SPAST: variants seen among roughly 807,000 people sequenced by gnomAD.
SPAST encodes the protein spastin.
Under a neutral mutation model 76.6 loss-of-function variants are expected in SPAST, and 30 were observed. The ratio of observed to expected loss-of-function variants is 0.39; its 90% CI spans 0.29 to 0.53. The LOEUF is 0.53. SPAST is among the 20% of genes least tolerant of loss of function. The pLI, the probability that SPAST is intolerant of heterozygous loss-of-function variation, is 0.68. For missense variants in SPAST, 717 were observed against 770.5 expected (o/e 0.93, Z 0.82); for synonymous variants, 305 against 281.0 (o/e 1.09, Z -0.86).
chr2:32,064,353 C>T (rs1417853151), intron 1 of SPAST, 107 bp downstream of exon 1: 48 of 1,071,124 alleles, frequency 4.5e-5, no homozygotes, highest in Non-Finnish European at 5.6e-5. Flanking sequence ...GGACGGTGCA[C>T]CCCCGGAATT....
At chr2:32,120,962 C>T (rs1482833965) in intron 7 of SPAST, among the ~76,000 whole-genome samples, 3 of 152,134 alleles carry the variant, frequency 2.0e-5, no homozygotes, top group African/African-American at 7.2e-5. Flanking sequence ...TATCTATTGT[C>T]TTCTAGCTTC....
At chr2:32,068,765 G>A (rs1433943610) in intron 1 of SPAST, among the ~76,000 whole-genome samples, 1 of 151,954 alleles carries the variant, frequency 6.6e-6, no homozygotes, top group Non-Finnish European at 1.5e-5. Context: ...GTGGTGGCGG[G>A]TGTGTGTAAT....
chr2:32,144,492 C>T (rs1432817773), intron 14 of SPAST, among the ~76,000 whole-genome samples: 2 of 152,184 alleles, frequency 1.3e-5, no homozygotes, highest in African/African-American at 4.8e-5. Context: ...CCTTTCTATT[C>T]CCTTAAAATC....
intron 12 of SPAST, among the ~76,000 whole-genome samples, chr2:32,141,649 TTTTG>T (rs1167839629): frequency 1.3e-5 from 2 of 152,272 alleles, no homozygotes; most frequent in African/African-American, 2.4e-5. Context: ...ATATCAGATA[TTTTG>T]TTTGTTTTAA....
Position 32,144,970 on chromosome 2 carries a change from A to T in SPAST, c.1650A>T (p.Thr550=). ...MTDGYSGSDL[T]ALAKDAALGP... ...ATGGATACTCAGGAAGTGACCTAACAGCTTTGGCAAAAGATGCAGCACTGG... is the reference window on the plus strand; with the variant it reads ...ATGGATACTCAGGAAGTGACCTAACTGCTTTGGCAAAAGATGCAGCACTGG... Residue 550 remains threonine, a synonymous_variant, in exon 15 of 17, where the codon ACA becomes ACT. Transcript: ENST00000315285. 6.2e-7 allele frequency: 1 copy of T among 1,613,226 alleles called. No homozygotes were observed. Among genetic ancestry groups the T allele is most frequent in the Non-Finnish European group, 8.5e-7 (1 of 1,179,496 alleles).
chr2:32,128,246 C>G, intron 8 of SPAST, 162 bp from the exon 9 acceptor site: 1 of 593,826 alleles, frequency 1.7e-6, no homozygotes, highest in Non-Finnish European at 3.0e-6. Context: ...GCGCCTGCCT[C>G]GGCCTCCGAA....
chr2:32,104,274 A>C (rs1200917785), intron 4 of SPAST, among the ~76,000 whole-genome samples: 3 of 151,456 alleles, frequency 2.0e-5, no homozygotes, highest in Non-Finnish European at 4.4e-5. Flanking sequence ...TGGATTGCAA[A>C]CCCTGCTTTT....
chr2:32,080,724 A>AT (rs1677185715), intron 1 of SPAST, among the ~76,000 whole-genome samples: 1 of 149,008 alleles, frequency 6.7e-6, no homozygotes, highest in Non-Finnish European at 1.5e-5. Flanking sequence ...CAACCCCTAC[A>AT]TTAAGGGATT....
chr2:32,143,497 C>A, intron 14 of SPAST, 82 bp downstream of exon 14: 1 of 863,642 alleles, frequency 1.2e-6, no homozygotes, highest in Non-Finnish European at 1.9e-6. Context: ...TTAAAGTAAT[C>A]TTAAGTATGA....
chr2:32,135,776 G>T (rs1449256778), intron 9 of SPAST, among the ~76,000 whole-genome samples: 1 of 152,084 alleles, frequency 6.6e-6, no homozygotes, highest in Non-Finnish European at 1.5e-5. Flanking sequence ...AACTAAGTTA[G>T]TTGACTATTT....
At chr2:32,102,058 C>T (rs1414988292) in intron 4 of SPAST, among the ~76,000 whole-genome samples, 4 of 152,066 alleles carry the variant, frequency 2.6e-5, no homozygotes, top group Non-Finnish European at 4.4e-5. Flanking sequence ...CTATAAATTA[C>T]CTTGGGCAGT....
chr2:32,121,534 A>AC (rs1679019948), intron 7 of SPAST, among the ~76,000 whole-genome samples: 1 of 84,868 alleles, frequency 1.2e-5, no homozygotes, highest in African/African-American at 4.5e-5. Flanking sequence ...CATCTTTCTC[A>AC]CTTTTTTTTT....
At chr2:32,083,989 G>A (rs1677369976) in intron 1 of SPAST, among the ~76,000 whole-genome samples, 1 of 149,912 alleles carries the variant, frequency 6.7e-6, no homozygotes. Context: ...ATGTTGTCCA[G>A]GCTGGTCTTC....
Position 32,154,604 on chromosome 2 carries a change from A to G in SPAST, c.*108A>G. ...ACAGCCTAAGTTTACAGGACTTTTT[A>G]GAGTCTTACATATTTGTGCACCAAA... On this transcript the variant is annotated 3_prime_UTR_variant, in exon 17 of 17. Transcript: ENST00000315285. 2 of 1,114,940 alleles carry G rather than the reference A, an allele frequency of 1.8e-6. No homozygotes were observed. Among genetic ancestry groups the G allele is most frequent in the South Asian group, 2.6e-5 (2 of 77,578 alleles). 69.1% of individuals were successfully genotyped at this position (1,114,940 alleles called of 1,614,324 possible).
Position 32,087,520 on chromosome 2 carries a change from G to T in SPAST, c.444G>T (p.Trp148Cys). 6.2e-7 allele frequency: 1 copy of T among 1,607,766 alleles called. No homozygotes were observed. Among genetic ancestry groups the T allele is most frequent in the Non-Finnish European group, 8.5e-7 (1 of 1,175,174 alleles). ...KAGQKEQAVE[W>C]YKKGIEELEK... Reference sequence around the variant, plus strand: ...GACAGAAGGAGCAAGCTGTGGAATGGTATAAGAAAGGTATTGAAGAACTGG... The same window carrying T: ...GACAGAAGGAGCAAGCTGTGGAATGTTATAAGAAAGGTATTGAAGAACTGG... Residue 148 changes from tryptophan (W) to cysteine (C), a missense_variant, in exon 2 of 17, where the codon TGG (tryptophan) becomes TGT (cysteine). By Grantham distance (215) the Trp-to-Cys change is radical. Around this residue, in one of 3 missense-constraint regions of SPAST, gnomAD observed 543 missense variants for 445.2 expected, o/e 1.22. Coordinates refer to ENST00000315285, the MANE Select transcript of SPAST (RefSeq NM_014946.4).
intron 8 of SPAST, chr2:32,128,004 A>AT (rs879557017): frequency 2.7e-3 from 471 of 174,176 alleles, no homozygotes; most frequent in South Asian, 6.8e-3. Flanking sequence ...TTTTTTATTA[A>AT]TTTTTTTTTT....
intron 9 of SPAST, chr2:32,130,615 A>G (rs1408194053): frequency 1.3e-5 from 2 of 151,144 alleles, no homozygotes; most frequent in African/African-American, 4.9e-5. Context: ...GCTATTCGGG[A>G]GGCTGAGACA....
chr2:32,150,659 G>C (rs1053306440), intron 16 of SPAST, among the ~76,000 whole-genome samples: 1 of 151,924 alleles, frequency 6.6e-6, no homozygotes, highest in East Asian at 1.9e-4. Context: ...GCTGGTCTCA[G>C]ATTCCTCAAG....
chr2:32,111,752 A>G (rs1347647606), intron 4 of SPAST, among the ~76,000 whole-genome samples: 1 of 151,180 alleles, frequency 6.6e-6, no homozygotes, highest in Non-Finnish European at 1.5e-5. Context: ...TAGTCTTTCC[A>G]GTGTCTGAAA....
Sources: allele counts gnomAD v4.1 joint callset (sites outside exome capture counted in the v4.1 genomes callset), GRCh38; gene constraint gnomAD v4.1.1; regional missense constraint gnomAD v4.1.1; transcripts MANE v1.5; gene names NCBI Gene and HGNC (gene_info 2026-07-23, HGNC 2026-07-21).